Variants in MAP3K9 observed in about 807,000 individuals in gnomAD.
The protein encoded by MAP3K9 is mitogen-activated protein kinase kinase kinase 9.
MAP3K9 carries 46 observed loss-of-function variants against 95.8 expected under a neutral mutation model. That is an observed-to-expected ratio of 0.48 (90% CI 0.38 to 0.61). The LOEUF is 0.61. MAP3K9 is among the 20% of genes least tolerant of loss of function. MAP3K9 has a pLI of 0.00. For missense variants in MAP3K9, 1,296 were observed against 1,474.3 expected, an observed-to-expected ratio of 0.88 and a Z score of 1.98; for synonymous variants, 533 against 593.8, an observed-to-expected ratio of 0.90 and a Z score of 1.49.
intron 2 of MAP3K9, among the ~76,000 whole-genome samples, chr14:70,784,040 T>C (rs1330923257): frequency 1.3e-5 from 2 of 152,144 alleles, no homozygotes; most frequent in African/African-American, 2.4e-5. Flanking sequence ...TCCCAGCACT[T>C]TGGGAGGCCG....
intron 2 of MAP3K9, among the ~76,000 whole-genome samples, chr14:70,780,312 T>C (rs562831705): frequency 1.6e-4 from 25 of 152,276 alleles, no homozygotes; most frequent in Admixed American, 8.5e-4. Context: ...AATATATTTA[T>C]AGGCCTCCTG....
In MAP3K9 at chr14:70,733,061, GC is replaced by G. The variant is rs763616348; in HGVS notation, c.2307del (p.Leu769PhefsTer57). 6.2e-7 allele frequency: 1 copy of G among 1,614,160 alleles called. No homozygotes were observed. Among genetic ancestry groups the G allele is most frequent in the Non-Finnish European group, 8.5e-7 (1 of 1,180,042 alleles). ...VLAATGLGFDLLEAGKCQLLP... is the reference protein window; with the variant it reads ...VLAATGLGFDXLEAGKCQLLP... ...AGCAGCTGGCACTTGCCAGCTTCCA[GC>G]AAGTCAAACCCTAGGCCTGTGGCTG... On this transcript the variant is annotated frameshift_variant, in exon 11 of 12. Coordinates refer to ENST00000554752, the MANE Select transcript of MAP3K9 (RefSeq NM_001284230.2). LOFTEE classifies it high-confidence loss of function.
chr14:70,733,875 G>C, intron 10 of MAP3K9: 1 of 711,810 alleles, frequency 1.4e-6, no homozygotes, highest in Non-Finnish European at 2.6e-6. Context: ...TTCTGGAGAG[G>C]GACACTTTTT....
Position 70,743,359 on chromosome 14 carries a change from G to A in MAP3K9, c.1327-768C>T, listed in dbSNP as rs2054102498. Among the ~76,000 whole-genome samples, 5 of 152,168 alleles carry A rather than the reference G, an allele frequency of 3.3e-5. No homozygotes were observed. In the South Asian group the frequency reaches 1.0e-3, roughly 32 times the overall value. ...GCAACAAAAGCCAAAATTAACAAAT[G>A]GGATCTAATTAAACTAAAGAGCTTC... On this transcript the variant is annotated intron_variant, in intron 5 of 11. Coordinates refer to ENST00000554752, the MANE Select transcript of MAP3K9 (RefSeq NM_001284230.2).
intron 2 of MAP3K9, among the ~76,000 whole-genome samples, chr14:70,780,368 C>G (rs1016430020): frequency 2.6e-5 from 4 of 152,132 alleles, no homozygotes; most frequent in Non-Finnish European, 5.9e-5. Context: ...CTCCTTTAAC[C>G]AGCCCCAACT....
intron 3 of MAP3K9, among the ~76,000 whole-genome samples, chr14:70,757,400 G>A (rs921642256): frequency 4.1e-5 from 6 of 147,942 alleles, no homozygotes; most frequent in African/African-American, 1.3e-4. Flanking sequence ...GGTCAAGGCT[G>A]TAGTAAGCCA....
At chr14:70,802,492 T>C (rs1428467761) in intron 1 of MAP3K9, among the ~76,000 whole-genome samples, 1 of 152,356 alleles carries the variant, frequency 6.6e-6, no homozygotes, top group East Asian at 1.9e-4. Flanking sequence ...GCGAGCTACA[T>C]GTGGTGCTAA....
rs771025105 is a variant in MAP3K9, at chr14:70,748,889, C to A, written c.1266G>T (p.Leu422=). The A allele has an allele frequency of 2.5e-5, 41 of 1,613,934 alleles. No homozygotes were observed. The highest frequency in any genetic ancestry group is 3.4e-5 in the Non-Finnish European group (40 of 1,180,004). ...GAATCTCGTGTTTCCAGTTGTCCTGCAGGCAGTGGAAGGAGTCCTTGGGCA... is the reference window on the plus strand; with the variant it reads ...GAATCTCGTGTTTCCAGTTGTCCTGAAGGCAGTGGAAGGAGTCCTTGGGCA... The part of the protein sequence containing the change: ...FEMPKDSFHC[L]QDNWKHEIQE... Residue 422 remains leucine (L), a synonymous_variant, in exon 5 of 12, where the codon CTG becomes CTT. Transcript: ENST00000554752.
At chr14:70,784,324 AAAC>A (rs951244664) in intron 2 of MAP3K9, among the ~76,000 whole-genome samples, 19 of 152,086 alleles carry the variant, frequency 1.2e-4, no homozygotes, top group Admixed American at 2.6e-4. Flanking sequence ...ATAAAATAAA[AAAC>A]AAAACCACAA....
rs754612694 is a variant in MAP3K9, at chr14:70,800,886, G to C, written c.601C>G (p.Pro201Ala). 16 of 1,614,046 alleles carry C rather than the reference G, an allele frequency of 9.9e-6. No individual in the cohort carries two copies. Among genetic ancestry groups the C allele is most frequent in the Non-Finnish European group, 1.3e-5 (15 of 1,180,044 alleles). The part of the protein sequence containing the change: ...EAKLFAMLKH[P>A]NIIALRGVCL... Reference sequence around the variant, plus strand: ...ACCCCTCTTAGGGCAATGATGTTGGGGTGCTTCAGCATGGCGAAGAGCTTG... The same window carrying C: ...ACCCCTCTTAGGGCAATGATGTTGGCGTGCTTCAGCATGGCGAAGAGCTTG... Residue 201 changes from proline to alanine, a missense_variant, in exon 2 of 12, where the codon CCC (proline) becomes GCC (alanine). Physicochemically the swap from Pro to Ala is conservative, Grantham distance 27. Around this residue, in one of 5 missense-constraint regions of MAP3K9, gnomAD observed 338 missense variants for 363.4 expected, o/e 0.93. Transcript: ENST00000554752.
In MAP3K9 at chr14:70,748,968, A is replaced by C; in HGVS notation, c.1187T>G (p.Phe396Cys). 1 of 1,614,026 alleles carries C rather than the reference A, an allele frequency of 6.2e-7. No homozygotes were observed. Among genetic ancestry groups the C allele is most frequent in the Non-Finnish European group, 8.5e-7 (1 of 1,179,974 alleles). The change falls in exon 5 of 12, where the codon TTC becomes TGC. Residue 396 changes from phenylalanine (F) to cysteine (C), a missense_variant. By Grantham distance (205) the Phe-to-Cys change is radical (BLOSUM62 -2). Around this residue, in one of 5 missense-constraint regions of MAP3K9, gnomAD observed 136 missense variants for 221.5 expected, o/e 0.61. Coordinates refer to ENST00000554752, the MANE Select transcript of MAP3K9 (RefSeq NM_001284230.2). ...GGTTAGCTGGTCCAGGATATTCGTG[A>C]AAGATGGTCGTGAGTGGGGATCAGG... ...WNPDPHSRPS[F>C]TNILDQLTTI...
Position 70,730,658 on chromosome 14 carries a change from T to A in MAP3K9, c.3037A>T (p.Ser1013Cys). ...GCTGGGGAGGTGCTGCGGGCATGGC[T>A]GGGGGACACAAACCACCAAGGGTCC... Reference protein sequence around the residue: ...RLDPWWFVSPSHARSTSPANS... With the variant: ...RLDPWWFVSPCHARSTSPANS... Residue 1013 changes from serine (S) to cysteine (C), a missense_variant, in exon 12 of 12, where the codon AGC (serine) becomes TGC (cysteine). Transcript: ENST00000554752. 6.2e-7 allele frequency: 1 copy of A among 1,613,680 alleles called. No homozygotes were observed. The highest frequency in any genetic ancestry group is 8.5e-7 in the Non-Finnish European group (1 of 1,180,000).
intron 2 of MAP3K9, among the ~76,000 whole-genome samples, chr14:70,774,983 C>CAAAAAAAAAAAAAAAAAAAAAAAA (rs60144338): frequency 2.7e-4 from 15 of 55,114 alleles, no homozygotes; most frequent in East Asian, 1.5e-3. Context: ...ACTCTGTCCC[C>CAAAAAAAAAAAAAAAAAAAAAAAA]AAAAAAAAAA....
chr14:70,734,916 C>T (rs1286308406), intron 9 of MAP3K9, among the ~76,000 whole-genome samples: 2 of 152,264 alleles, frequency 1.3e-5, no homozygotes, highest in Non-Finnish European at 2.9e-5. Flanking sequence ...AGGCAAGCAC[C>T]GGGCAGCCGA....
chr14:70,750,182 G>C lies in MAP3K9; in HGVS notation c.1002-101C>G, dbSNP rs1342104673. ...TGAGCATCCCACATTCTCCCCAACA[G>C]ATAGTGAGACTAATGAAACAGAAAT... is the stretch of plus-strand genomic sequence containing the variant. On this transcript the variant is annotated intron_variant, in intron 3 of 11. Transcript: ENST00000554752. The C allele has an allele frequency of 4.7e-6, 5 of 1,060,600 alleles. No homozygotes were observed. In the African/African-American group the frequency reaches 4.8e-5, roughly 10 times the overall value. 65.7% of individuals were successfully genotyped at this position (1,060,600 alleles called of 1,614,324 possible).
At chr14:70,774,378 A>C (rs1181107208) in intron 2 of MAP3K9, among the ~76,000 whole-genome samples, 1 of 152,216 alleles carries the variant, frequency 6.6e-6, no homozygotes, top group Non-Finnish European at 1.5e-5. Context: ...CAAATATTTT[A>C]TATCAGGCTG....
At chr14:70,754,470 C>T (rs923572105) in intron 3 of MAP3K9, among the ~76,000 whole-genome samples, 4 of 151,994 alleles carry the variant, frequency 2.6e-5, no homozygotes, top group Admixed American at 6.6e-5. Context: ...CTACAGAAAA[C>T]GTTTTGCTAT....
At chr14:70,766,721 A>G (rs2054460624) in intron 2 of MAP3K9, among the ~76,000 whole-genome samples, 1 of 152,172 alleles carries the variant, frequency 6.6e-6, no homozygotes, top group Non-Finnish European at 1.5e-5. Flanking sequence ...GGGGAAGGGA[A>G]TCAAATCCAG....
intron 2 of MAP3K9, among the ~76,000 whole-genome samples, chr14:70,791,906 T>C (rs567275569): frequency 6.6e-6 from 1 of 152,100 alleles, no homozygotes; most frequent in South Asian, 2.1e-4. Context: ...GACTGGCCCA[T>C]AAAAGAAAAC....
Sources: gnomAD v4.1 joint callset for allele counts (sites outside exome capture counted in the v4.1 genomes callset) on GRCh38, gnomAD v4.1.1 for gene constraint, gnomAD v4.1.1 regional missense constraint, MANE v1.5 for transcripts, NCBI Gene and HGNC (gene_info 2026-07-23, HGNC 2026-07-21) for gene names.